ERBB4: variants seen among roughly 807,000 people sequenced by gnomAD.
The protein encoded by ERBB4 is receptor tyrosine-protein kinase erbB-4.
In ERBB4, 42 loss-of-function variants were observed where a neutral mutation model predicts 158.0. The ratio of observed to expected loss-of-function variants is 0.27; its 90% CI spans 0.21 to 0.34. The LOEUF is 0.34. Ranked by LOEUF, ERBB4 falls within the 10% of genes least tolerant of loss-of-function variation. ERBB4 has a pLI of 1.00. For missense variants in ERBB4, 1,333 were observed against 1,624.1 expected (o/e 0.82, Z 3.08); for synonymous variants, 583 against 558.7 (o/e 1.04, Z -0.61).
intron 20 of ERBB4, among the ~76,000 whole-genome samples, chr2:211,433,014 A>G (rs1370428718): frequency 5.3e-5 from 8 of 152,220 alleles, no homozygotes; most frequent in African/African-American, 1.9e-4. Flanking sequence ...AGGCCTAAGT[A>G]AGGGTTGAAT....
At chr2:211,868,825 A>C (rs1467245482) in intron 3 of ERBB4, among the ~76,000 whole-genome samples, 1 of 152,090 alleles carries the variant, frequency 6.6e-6, no homozygotes, top group Non-Finnish European at 1.5e-5. Context: ...TATTTTTCTG[A>C]CTCAATTTTT....
chr2:212,294,393 T>C (rs1266021945), intron 1 of ERBB4, among the ~76,000 whole-genome samples: 1 of 152,028 alleles, frequency 6.6e-6, no homozygotes, highest in Non-Finnish European at 1.5e-5. Context: ...GGATTTTATT[T>C]GGAGTCAATC....
At chr2:211,868,526 T>G (rs1374456576) in intron 3 of ERBB4, among the ~76,000 whole-genome samples, 1 of 152,172 alleles carries the variant, frequency 6.6e-6, no homozygotes, top group Non-Finnish European at 1.5e-5. Flanking sequence ...ATGTAAAGTA[T>G]GATAATTGTG....
chr2:212,065,902 G>T (rs1225920461), intron 2 of ERBB4, among the ~76,000 whole-genome samples: 1 of 152,010 alleles, frequency 6.6e-6, no homozygotes, highest in Non-Finnish European at 1.5e-5. Context: ...GAAGGTGCCT[G>T]TAACAATTGT....
At chr2:211,628,123 C>T (rs2069932325) in intron 17 of ERBB4, among the ~76,000 whole-genome samples, 1 of 151,622 alleles carries the variant, frequency 6.6e-6, no homozygotes, top group Non-Finnish European at 1.5e-5. Flanking sequence ...GAAAGACTCT[C>T]TCTCTTTCTA....
At chr2:212,087,110 C>T (rs2078638576) in intron 2 of ERBB4, among the ~76,000 whole-genome samples, 2 of 151,704 alleles carry the variant, frequency 1.3e-5, no homozygotes. Flanking sequence ...TGATTACAGT[C>T]CTCTATATGG....
chr2:211,424,369 C>T (rs2125412430), intron 22 of ERBB4, 68 bp from the exon 23 acceptor site: 1 of 1,132,754 alleles, frequency 8.8e-7, no homozygotes, highest in East Asian at 2.4e-5. Context: ...AGCACTATAC[C>T]AGTAGTAAAA....
intron 1 of ERBB4, among the ~76,000 whole-genome samples, chr2:212,316,025 A>G (rs1045302267): frequency 1.3e-4 from 20 of 151,500 alleles, no homozygotes; most frequent in Non-Finnish European, 2.7e-4. Context: ...TAACAGACAA[A>G]TGAAAAAAAA....
chr2:211,392,558 C>CCACA (rs5838261), intron 25 of ERBB4, among the ~76,000 whole-genome samples: 13,934 of 140,630 alleles, frequency 0.099, 719 homozygotes, highest in Admixed American at 0.13. Context: ...CTCTCTTACT[C>CCACA]CACACACACA....
intron 1 of ERBB4, among the ~76,000 whole-genome samples, chr2:212,175,596 G>C (rs1487446030): frequency 7.0e-6 from 1 of 142,526 alleles, no homozygotes; most frequent in Non-Finnish European, 1.6e-5. Context: ...ACAAAGCTAA[G>C]CAGAATATGT....
chr2:212,274,105 G>T (rs547906887), intron 1 of ERBB4, among the ~76,000 whole-genome samples: 1 of 151,744 alleles, frequency 6.6e-6, no homozygotes, highest in African/African-American at 2.4e-5. Context: ...AGAAAATCAC[G>T]AGAGGAAAAT....
At chr2:211,933,964 C>A (rs2125104842) in intron 3 of ERBB4, among the ~76,000 whole-genome samples, 1 of 151,938 alleles carries the variant, frequency 6.6e-6, no homozygotes, top group African/African-American at 2.4e-5. Context: ...AATAAAACAA[C>A]ATAAAATGTG....
In ERBB4 at chr2:212,537,176, C is replaced by A. The variant is rs1429726730; in HGVS notation, c.82+1273G>T. Among the ~76,000 whole-genome samples the A allele has an allele frequency of 2.8e-5, 4 of 144,638 alleles. No individual in the cohort carries two copies. The East Asian group carries it at 7.8e-4, about 28-fold the overall frequency. 94.9% of individuals were successfully genotyped at this position (144,638 alleles called of 152,430 possible). On this transcript the variant is annotated intron_variant, in intron 1 of 27. Transcript: ENST00000342788. ...GGCGGAGCGGGAAAACTACAGCTAG[C>A]CGTTTTCTTGGTGAGGTCAGAAGGA...
intron 3 of ERBB4, among the ~76,000 whole-genome samples, chr2:211,936,269 T>C (rs1207722084): frequency 1.3e-5 from 2 of 152,090 alleles, no homozygotes; most frequent in African/African-American, 4.8e-5. Flanking sequence ...GTCCTTCTAT[T>C]TCATAGTAAA....
At chr2:211,676,510 T>A (rs958434748) in intron 13 of ERBB4, among the ~76,000 whole-genome samples, 2 of 152,134 alleles carry the variant, frequency 1.3e-5, no homozygotes, top group African/African-American at 4.8e-5. Flanking sequence ...ATAAATTTCA[T>A]ATTTCTGAAA....
At chr2:212,423,397 G>C (rs924248785) in intron 1 of ERBB4, among the ~76,000 whole-genome samples, 2 of 152,184 alleles carry the variant, frequency 1.3e-5, no homozygotes, top group Non-Finnish European at 1.5e-5. Flanking sequence ...GCTGAAAGAA[G>C]ACCATGTATA....
intron 1 of ERBB4, among the ~76,000 whole-genome samples, chr2:212,141,817 C>T (rs763904496): frequency 1.3e-5 from 2 of 152,248 alleles, no homozygotes; most frequent in South Asian, 2.1e-4. Flanking sequence ...GATGTCCCTG[C>T]TTTTCTTCTT....
chr2:211,418,276 G>C (rs1044189480), intron 25 of ERBB4, among the ~76,000 whole-genome samples: 1 of 152,120 alleles, frequency 6.6e-6, no homozygotes, highest in Non-Finnish European at 1.5e-5. Flanking sequence ...GGAAAGAAAG[G>C]AGGAACATGG....
rs1326360847 is a variant in ERBB4, at chr2:211,571,091, G to A, written c.2302-9003C>T. On this transcript the variant is annotated intron_variant, in intron 19 of 27. Coordinates refer to ENST00000342788, the MANE Select transcript of ERBB4 (RefSeq NM_005235.3). ...CGGAGTCTTGCTCTGTCGCCAGGCT[G>A]GAATGCAGTGGCACAATCTCGGCTC... 8.6e-5 allele frequency among the ~76,000 whole-genome samples: 11 copies of A among 127,976 alleles called. No individual in the cohort carries two copies. The Admixed American group carries it at 1.1e-3, about 13-fold the overall frequency. 84.0% of individuals were successfully genotyped at this position (127,976 alleles called of 152,430 possible). A position where few individuals can be genotyped will look rare whatever the true frequency, so the allele number is the denominator to read the frequency against.
Sources: gnomAD v4.1 joint callset for allele counts (sites outside exome capture counted in the v4.1 genomes callset) on GRCh38, gnomAD v4.1.1 for gene constraint, MANE v1.5 for transcripts, NCBI Gene and HGNC (gene_info 2026-07-23, HGNC 2026-07-21) for gene names.